USB1: variants seen among roughly 807,000 people sequenced by gnomAD.
USB1 encodes U6 snRNA biogenesis phosphodiesterase 1, also known as U6 snRNA phosphodiesterase 1.
Under a neutral mutation model 29.9 loss-of-function variants are expected in USB1, and 21 were observed. The ratio of observed to expected loss-of-function variants is 0.70; its 90% confidence interval spans 0.50 to 1.01. The LOEUF is 1.01. USB1 is among the 50% of genes least tolerant of loss of function. The pLI is 0.00. For missense variants in USB1, 330 were observed against 347.1 expected, an observed-to-expected ratio of 0.95 and a Z score of 0.39; for synonymous variants, 143 against 134.9, an observed-to-expected ratio of 1.06 and a Z score of -0.42.
At chr16:58,006,500 A>C (rs1437131046) in intron 2 of USB1, among the ~76,000 whole-genome samples, 5 of 151,930 alleles carry the variant, frequency 3.3e-5, no homozygotes, top group Non-Finnish European at 7.4e-5. Context: ...CTCTACTAAA[A>C]ATACAAAAAT....
chr16:58,008,403 A>C (rs150317953), intron 2 of USB1, among the ~76,000 whole-genome samples: 2 of 148,572 alleles, frequency 1.3e-5, no homozygotes, highest in African/African-American at 2.5e-5. Flanking sequence ...TTGTTTTTCT[A>C]CTTTCCTAAG....
chr16:58,016,983 C>T (rs1251037611), intron 4 of USB1: 2 of 339,636 alleles, frequency 5.9e-6, no homozygotes, highest in Non-Finnish European at 1.1e-5. Context: ...GAGAAGAGGC[C>T]TCCTTGAGGA....
intron 3 of USB1, 26 bp downstream of exon 3, chr16:58,010,138 C>G (rs756216823): frequency 6.2e-7 from 1 of 1,613,502 alleles, no homozygotes. Context: ...CTCTGCCTCT[C>G]CACTCCCTCC....
intron 6 of USB1, among the ~76,000 whole-genome samples, chr16:58,019,544 C>T (rs1056867603): frequency 3.9e-5 from 6 of 152,154 alleles, no homozygotes; most frequent in African/African-American, 7.2e-5. Flanking sequence ...TTCCCATCTG[C>T]GCCCTTGGAG....
chr16:58,013,329 T>A lies in USB1; in HGVS notation c.450-944T>A. 1.0e-6 allele frequency: 1 copy of A among 985,480 alleles called. No homozygotes were observed. Among genetic ancestry groups the A allele is most frequent in the Non-Finnish European group, 1.2e-6 (1 of 829,970 alleles). 61.0% of individuals were successfully genotyped at this position (985,480 alleles called of 1,614,324 possible). Reference sequence around the variant, plus strand: ...TGCACTTAACCAAGCTCCTGGTGGTTCTGTGATCCCTTACATTTTCTCCAG... The same window carrying A: ...TGCACTTAACCAAGCTCCTGGTGGTACTGTGATCCCTTACATTTTCTCCAG... On this transcript the variant is annotated intron_variant, in intron 3 of 6. Coordinates refer to ENST00000219281, the MANE Select transcript of USB1 (RefSeq NM_024598.4). The surrounding 1 kb of genome is among the most constrained non-coding windows in gnomAD (Gnocchi z 4.3).
At position 58,004,675 on chromosome 16, in the gene USB1, C is replaced by A. The variant is rs111284475; in HGVS notation, c.265+2030C>A. Among the ~76,000 whole-genome samples the A allele has an allele frequency of 1.6e-3, 237 of 152,294 alleles. 1 individual carries two copies. Among genetic ancestry groups the A allele is most frequent in the African/African-American group, 5.6e-3 (233 of 41,556 alleles). On this transcript the variant is annotated intron_variant, in intron 2 of 6. Coordinates refer to ENST00000219281, the MANE Select transcript of USB1 (RefSeq NM_024598.4). The stretch of plus-strand genomic sequence containing the variant: ...GATTTTGACTGGGATTGTATTGAAT[C>A]TGTAGATCAAATTGGGAAGAACTGA...
intron 3 of USB1, chr16:58,011,803 C>G: frequency 1.0e-6 from 1 of 988,270 alleles, no homozygotes; most frequent in Non-Finnish European, 1.2e-6. Context: ...TGGCTTCTCT[C>G]TGAATTGCCC....
chr16:58,018,935 G>A (rs376386173), intron 5 of USB1, 37 bp from the exon 6 acceptor site: 62 of 1,607,550 alleles, frequency 3.9e-5, no homozygotes, highest in Middle Eastern at 1.7e-4. Flanking sequence ...CTGCCAAGGC[G>A]TCCGGGTGAC....
chr16:58,001,267 G>A (rs972083490), upstream of USB1: 4 of 630,486 alleles, frequency 6.3e-6, no homozygotes, highest in African/African-American at 5.5e-5. Context: ...CCGGGAGGCT[G>A]CAGGTGACCA....
In USB1 at chr16:58,020,190, C is replaced by T; in HGVS notation, c.743C>T (p.Thr248Ile). Residue 248 changes from threonine to isoleucine, a missense_variant, in exon 7 of 7, where the codon ACT becomes ATT. By Grantham distance (89) the Thr-to-Ile change is moderately conservative. Transcript: ENST00000219281. ...GCTGAGGTGCTGCTGCGCGTGCACA[C>T]TGAGCAAGTCCGCTGCAAGTCTGGG... Reference protein sequence around the residue: ...EDAEVLLRVHTEQVRCKSGNK... With the variant: ...EDAEVLLRVHIEQVRCKSGNK... 2 of 1,614,190 alleles carry T rather than the reference C, an allele frequency of 1.2e-6. No individual in the cohort carries two copies. The highest frequency in any genetic ancestry group is 1.3e-5 in the African/African-American group (1 of 75,036).
At chr16:58,008,465 T>C (rs990794124) in intron 2 of USB1, among the ~76,000 whole-genome samples, 5 of 148,938 alleles carry the variant, frequency 3.4e-5, no homozygotes, top group Admixed American at 6.7e-5. Flanking sequence ...TTTTTTTTTT[T>C]TTTTTTGTGA....
intron 6 of USB1, among the ~76,000 whole-genome samples, chr16:58,019,604 C>T (rs1427351901): frequency 6.6e-6 from 1 of 150,922 alleles, no homozygotes; most frequent in Non-Finnish European, 1.5e-5. Context: ...ATACTCCAGC[C>T]CTGGTTGGGG....
intron 3 of USB1, chr16:58,011,367 T>C (rs1465395965): frequency 4.1e-6 from 5 of 1,231,822 alleles, no homozygotes; most frequent in Non-Finnish European, 5.1e-6. Flanking sequence ...ACCCCACTTC[T>C]GGTTTTGTCT....
intron 3 of USB1, chr16:58,012,725 C>T (rs2142306529): frequency 3.7e-6 from 4 of 1,076,790 alleles, no homozygotes; most frequent in East Asian, 6.9e-5. Context: ...AAGCTCTGCC[C>T]CTGGATGAAG....
chr16:58,010,138 C>T (rs756216823), intron 3 of USB1, 26 bp downstream of exon 3: 4 of 1,613,384 alleles, frequency 2.5e-6, no homozygotes, highest in Non-Finnish European at 3.4e-6. Context: ...CTCTGCCTCT[C>T]CACTCCCTCC....
intron 2 of USB1, among the ~76,000 whole-genome samples, chr16:58,008,568 C>T (rs191536069): frequency 6.6e-6 from 1 of 150,590 alleles, no homozygotes; most frequent in East Asian, 2.0e-4. Flanking sequence ...GTTCTCCTGT[C>T]TCAGCCTCCC....
At position 58,009,942 on chromosome 16, in the gene USB1, G is replaced by T; in HGVS notation, c.279G>T (p.Glu93Asp). Reference protein sequence around the residue: ...THVYVPYEAKEEFLDLLDVLL... With the variant: ...THVYVPYEAKDEFLDLLDVLL... ...CCTCCCCTCCAGATGAAGCCAAGGA[G>T]GAGTTCCTGGATCTGCTTGATGTGT... is the stretch of plus-strand genomic sequence containing the variant. The change falls in exon 3 of 7, where the codon GAG becomes GAT. Residue 93 changes from glutamate (E) to aspartate (D), a missense_variant. Physicochemically the swap from Glu to Asp is conservative, Grantham distance 45 (BLOSUM62 2). Coordinates refer to ENST00000219281, the MANE Select transcript of USB1 (RefSeq NM_024598.4). 6.2e-7 allele frequency: 1 copy of T among 1,613,830 alleles called. No individual in the cohort carries two copies. Among genetic ancestry groups the T allele is most frequent in the Non-Finnish European group, 8.5e-7 (1 of 1,179,950 alleles).
At chr16:58,003,299 C>G (rs1429917047) in intron 2 of USB1, among the ~76,000 whole-genome samples, 1 of 152,114 alleles carries the variant, frequency 6.6e-6, no homozygotes, top group Non-Finnish European at 1.5e-5. Context: ...TGGTGGCACA[C>G]GCCTATGGTT....
Position 58,013,388 on chromosome 16 carries a change from G to C in USB1, c.450-885G>C. ...AGTTGGCTGACTGACTTTTGCCCTT[G>C]GGCAGATTGTGAGGCTCTACCCAGC... On this transcript the variant is annotated intron_variant, in intron 3 of 6. Transcript: ENST00000219281. The surrounding 1 kb of genome is among the most constrained non-coding windows in gnomAD (Gnocchi z 4.3). 1 of 985,454 alleles carries C rather than the reference G, an allele frequency of 1.0e-6. No individual in the cohort carries two copies. Among genetic ancestry groups the C allele is most frequent in the East Asian group, 1.1e-4 (1 of 8,818 alleles). The allele number at this position is 985,454 out of a possible 1,614,324, so 61.0% of individuals were successfully genotyped here.
Sources: allele counts gnomAD v4.1 joint callset (sites outside exome capture counted in the v4.1 genomes callset), GRCh38; gene constraint gnomAD v4.1.1; non-coding constraint Gnocchi (gnomAD v3.1); transcripts MANE v1.5; gene names NCBI Gene and HGNC (gene_info 2026-07-23, HGNC 2026-07-21).